UQCC6: variants seen among roughly 807,000 people sequenced by gnomAD.
UQCC6 encodes the protein protein BRAWNIN.
the UQCC6 span, among the ~76,000 whole-genome samples, chr12:103,962,460 G>A: frequency 0.018 from 2,694 of 152,116 alleles, 80 homozygotes; most frequent in African/African-American, 0.061. Flanking sequence ...TATATGGTGT[G>A]AGGCAGGAGG....
the UQCC6 span, chr12:103,950,996 T>C: frequency 6.6e-6 from 1 of 152,354 alleles, no homozygotes; most frequent in Non-Finnish European, 1.5e-5. Flanking sequence ...GACAGGTCTT[T>C]TCTTCACGCA....
the UQCC6 span, among the ~76,000 whole-genome samples, chr12:103,954,255 CTG>C: frequency 6.6e-6 from 1 of 152,234 alleles, no homozygotes; most frequent in African/African-American, 2.4e-5. Context: ...ACTCCACAAA[CTG>C]TGTGTGTACA....
At chr12:103,954,728 CAGT>C in the UQCC6 span, 3 of 501,686 alleles carry the variant, frequency 6.0e-6, no homozygotes, top group Non-Finnish European at 3.5e-6. Flanking sequence ...AAACAAGAAA[CAGT>C]AGTTAACGTG....
At chr12:103,956,850 G>A in the UQCC6 span, 3 of 712,982 alleles carry the variant, frequency 4.2e-6, no homozygotes, top group Non-Finnish European at 7.3e-6. Flanking sequence ...GACACACGGC[G>A]GCGGGGGTGC....
At chr12:103,958,358 TATG>T in the UQCC6 span, among the ~76,000 whole-genome samples, 9 of 152,114 alleles carry the variant, frequency 5.9e-5, no homozygotes, top group African/African-American at 2.2e-4. Context: ...AAGTATACAA[TATG>T]ATGTTTGACA....
At chr12:103,963,765 G>T in the UQCC6 span, among the ~76,000 whole-genome samples, 1 of 151,994 alleles carries the variant, frequency 6.6e-6, no homozygotes, top group Non-Finnish European at 1.5e-5. Flanking sequence ...AATTACAATT[G>T]ATCTTCCTAT....
At chr12:103,953,252 G>A in the UQCC6 span, 1 of 675,724 alleles carries the variant, frequency 1.5e-6, no homozygotes, top group African/African-American at 1.8e-5. Flanking sequence ...GTGGTGAGAA[G>A]CAGGCAGCAT....
chr12:103,960,953 A>T, the UQCC6 span, among the ~76,000 whole-genome samples: 20,053 of 149,842 alleles, frequency 0.13, 1,652 homozygotes, highest in East Asian at 0.25. Context: ...ATTCTTTTTT[A>T]AAAAAAAAAG....
chr12:103,953,704 C>T, the UQCC6 span: 2 of 646,098 alleles, frequency 3.1e-6, no homozygotes, highest in Non-Finnish European at 5.6e-6. Flanking sequence ...TGTCACCACC[C>T]AATCAAACTG....
the UQCC6 span, among the ~76,000 whole-genome samples, chr12:103,952,428 A>T: frequency 6.6e-6 from 1 of 152,218 alleles, no homozygotes; most frequent in Non-Finnish European, 1.5e-5. Context: ...TTCATCAGCT[A>T]ATAGGCATTT....
chr12:103,965,068 G>A, the UQCC6 span, among the ~76,000 whole-genome samples: 1 of 152,142 alleles, frequency 6.6e-6, no homozygotes, highest in African/African-American at 2.4e-5. Context: ...ACTCAGGAAA[G>A]CCAACAAATA....
At chr12:103,956,529 G>A in the UQCC6 span, 2 of 763,910 alleles carry the variant, frequency 2.6e-6, no homozygotes, top group Admixed American at 4.4e-5. Context: ...AGTGGTCCAG[G>A]AGCATCTGCA....
At chr12:103,957,484 C>CT in the UQCC6 span, among the ~76,000 whole-genome samples, 2 of 152,080 alleles carry the variant, frequency 1.3e-5, no homozygotes, top group Non-Finnish European at 2.9e-5. Context: ...GCCTTTACCA[C>CT]TTTTTTAGGA....
At chr12:103,956,863 G>A in the UQCC6 span, 512 of 662,448 alleles carry the variant, frequency 7.7e-4, 3 homozygotes, top group South Asian at 6.2e-3. Context: ...GGGGGTGCAG[G>A]AGGACCCCTG....
the UQCC6 span, among the ~76,000 whole-genome samples, chr12:103,957,733 T>G: frequency 2.0e-5 from 3 of 151,914 alleles, no homozygotes; most frequent in Non-Finnish European, 4.4e-5. Flanking sequence ...ATTGGTTGTT[T>G]TTTAAGTAAA....
At chr12:103,963,431 C>T in the UQCC6 span, among the ~76,000 whole-genome samples, 2 of 152,272 alleles carry the variant, frequency 1.3e-5, no homozygotes, top group Admixed American at 6.5e-5. Context: ...GCAGTATTAG[C>T]TCTCCCAGCT....
the UQCC6 span, chr12:103,951,606 G>T: frequency 6.5e-7 from 1 of 1,539,846 alleles, no homozygotes; most frequent in Non-Finnish European, 8.8e-7. Flanking sequence ...AGTTCTCCAC[G>T]CTTTGGTGGA....
chr12:103,955,692 T>C, the UQCC6 span: 2 of 443,462 alleles, frequency 4.5e-6, no homozygotes, highest in East Asian at 1.4e-4. Context: ...TGGTTGACTC[T>C]CTGAAAGTGT....
the UQCC6 span, among the ~76,000 whole-genome samples, chr12:103,960,060 T>G: frequency 6.6e-6 from 1 of 151,392 alleles, no homozygotes; most frequent in South Asian, 2.1e-4. Flanking sequence ...TAGGCATGAG[T>G]CACCATGCCT....
Sources: allele counts gnomAD v4.1 joint callset (sites outside exome capture counted in the v4.1 genomes callset), GRCh38; gene constraint gnomAD v4.1.1; transcripts MANE v1.5; gene names NCBI Gene and HGNC (gene_info 2026-07-23, HGNC 2026-07-21).